FBXO25: variants seen among roughly 807,000 people sequenced by gnomAD.
FBXO25 encodes F-box only protein 25.
FBXO25 carries 45 observed loss-of-function variants against 51.9 expected under a neutral mutation model. The observed-to-expected ratio is 0.87, with a 90% CI of 0.68 to 1.11. The LOEUF is 1.11. Among genes scored for constraint, FBXO25 ranks in the 50% most tolerant of loss-of-function variants. The pLI is 0.00. For synonymous variants in FBXO25, 199 were observed against 151.0 expected (o/e 1.32, Z -2.33); for missense variants, 507 against 428.5 (o/e 1.18, Z -1.62).
chr8:456,711 C>G (rs1466809726), intron 7 of FBXO25, among the ~76,000 whole-genome samples: 3 of 152,176 alleles, frequency 2.0e-5, no homozygotes, highest in Non-Finnish European at 4.4e-5. Context: ...GTTGAGGCCC[C>G]ACTCGTGTCT....
At chr8:429,702 GC>G (rs1345151347) in intron 2 of FBXO25, among the ~76,000 whole-genome samples, 1 of 152,130 alleles carries the variant, frequency 6.6e-6, no homozygotes, top group Non-Finnish European at 1.5e-5. Context: ...AAAAATAGTA[GC>G]CTAGTTGTCA....
intron 5 of FBXO25, among the ~76,000 whole-genome samples, chr8:442,762 G>T (rs557115039): frequency 6.6e-6 from 1 of 152,202 alleles, no homozygotes; most frequent in African/African-American, 2.4e-5. Context: ...TAGCCACCCT[G>T]CCCAGCCTAT....
At chr8:425,137 C>A (rs1797394638) in intron 2 of FBXO25, among the ~76,000 whole-genome samples, 1 of 151,990 alleles carries the variant, frequency 6.6e-6, no homozygotes. Context: ...CCCCCCGCCC[C>A]CCACATGTCC....
rs192462405 is a variant in FBXO25 at position 460,036 on chromosome 8, G to C, written c.843+1485G>C. Among the ~76,000 whole-genome samples the C allele has an allele frequency of 7.0e-4, 107 of 152,246 alleles. 1 individual carries two copies. Among genetic ancestry groups the C allele is most frequent in the African/African-American group, 2.5e-3 (104 of 41,556 alleles). ...TTTTAAGTCAGCATTGGGCATGGGG[G>C]AGGGGGTGGATAGAATTTTGTGTGG... On this transcript the variant is annotated intron_variant, in intron 8 of 9. Coordinates refer to ENST00000350302, the MANE Select transcript of FBXO25 (RefSeq NM_183420.2).
intron 2 of FBXO25, among the ~76,000 whole-genome samples, chr8:415,682 C>G (rs1428220232): frequency 6.6e-6 from 1 of 152,112 alleles, no homozygotes; most frequent in Non-Finnish European, 1.5e-5. Context: ...AAGGGTGGCC[C>G]TGAGAAGGAC....
At chr8:417,188 A>C (rs747939851) in intron 2 of FBXO25, among the ~76,000 whole-genome samples, 7 of 152,198 alleles carry the variant, frequency 4.6e-5, no homozygotes, top group Non-Finnish European at 7.3e-5. Flanking sequence ...GCTGTGAAGT[A>C]CCTGTTGTCA....
At chr8:447,150 C>T (rs1287658904) in intron 5 of FBXO25, among the ~76,000 whole-genome samples, 1 of 152,172 alleles carries the variant, frequency 6.6e-6, no homozygotes, top group African/African-American at 2.4e-5. Context: ...TCAACTCCAG[C>T]TTGCAGAGTG....
intron 2 of FBXO25, among the ~76,000 whole-genome samples, chr8:414,675 TC>T (rs1411575244): frequency 1.3e-5 from 2 of 152,186 alleles, no homozygotes; most frequent in Admixed American, 1.3e-4. Flanking sequence ...TGGCTACCCC[TC>T]TGTCTCCCTT....
At chr8:419,292 C>T (rs1797010604) in intron 2 of FBXO25, among the ~76,000 whole-genome samples, 1 of 152,152 alleles carries the variant, frequency 6.6e-6, no homozygotes, top group Admixed American at 6.5e-5. Flanking sequence ...TCACTTGAAC[C>T]TGGGAGGTGA....
In FBXO25 at chr8:473,834, T is replaced by C. The variant is rs1036858042; in HGVS notation, c.*5030T>C. 3 of 152,356 alleles carry C rather than the reference T, an allele frequency of 2.0e-5. No homozygotes were observed. Among genetic ancestry groups the C allele is most frequent in the Admixed American group, 1.3e-4 (2 of 15,308 alleles). The allele number at this position is 152,356 out of a possible 1,614,324, so 9.4% of individuals were successfully genotyped here. A position where few individuals can be genotyped will look rare whatever the true frequency, so the allele number is the denominator to read the frequency against. Reference sequence around the variant, plus strand: ...CGTTTTTGCATGGAAATTTCATTTTTATTTGATAATCATTTGAGAAACTTG... The same window carrying C: ...CGTTTTTGCATGGAAATTTCATTTTCATTTGATAATCATTTGAGAAACTTG... On this transcript the variant is annotated 3_prime_UTR_variant, in exon 10 of 10. Transcript: ENST00000350302.
chr8:442,986 C>T (rs1798522614), intron 5 of FBXO25, among the ~76,000 whole-genome samples: 1 of 152,092 alleles, frequency 6.6e-6, no homozygotes, highest in Non-Finnish European at 1.5e-5. Context: ...TATGTTAACG[C>T]TCCTGAGAAC....
At position 474,683 on chromosome 8, in the gene FBXO25, C is replaced by G. The variant is rs907165956; in HGVS notation, c.*5879C>G. 3.8e-5 allele frequency: 17 copies of G among 452,342 alleles called. No individual in the cohort carries two copies. The highest frequency in any genetic ancestry group is 1.8e-4 in the African/African-American group (9 of 49,688). 28.0% of individuals were successfully genotyped at this position (452,342 alleles called of 1,614,324 possible). ...TTATATGTCGTCTTTGGAGAAATGT[C>G]TATTTGGGCTCTTTGTCCATTTTTC... On this transcript the variant is annotated 3_prime_UTR_variant, in exon 10 of 10. Coordinates refer to ENST00000350302, the MANE Select transcript of FBXO25 (RefSeq NM_183420.2).
At chr8:415,913 A>G (rs939849367) in intron 2 of FBXO25, among the ~76,000 whole-genome samples, 8 of 152,188 alleles carry the variant, frequency 5.3e-5, no homozygotes, top group South Asian at 2.1e-4. Flanking sequence ...GTAATTGCCT[A>G]TAGTTATTTC....
intron 4 of FBXO25, 150 bp from the exon 5 acceptor site, chr8:435,465 C>G (rs1277987154): frequency 1.0e-6 from 1 of 979,834 alleles, no homozygotes; most frequent in African/African-American, 1.7e-5. Flanking sequence ...TATAATTTTA[C>G]TATACTCTCA....
At chr8:443,427 A>G (rs1798546145) in intron 5 of FBXO25, among the ~76,000 whole-genome samples, 1 of 151,756 alleles carries the variant, frequency 6.6e-6, no homozygotes, top group Non-Finnish European at 1.5e-5. Flanking sequence ...CCAAAATAAA[A>G]TTATAAGTTG....
chr8:471,559 A>G lies in FBXO25; in HGVS notation c.*2755A>G, dbSNP rs1210186930. On this transcript the variant is annotated 3_prime_UTR_variant, in exon 10 of 10. Coordinates refer to ENST00000350302, the MANE Select transcript of FBXO25 (RefSeq NM_183420.2). ...GCCAGGTAGTAAGTTTCACTTGCCC[A>G]TCGCTCCTGTGAAAGGCAATGCCAG... 6.6e-6 allele frequency: 1 copy of G among 152,212 alleles called. No individual in the cohort carries two copies. Among genetic ancestry groups the G allele is most frequent in the African/African-American group, 2.4e-5 (1 of 41,456 alleles). The allele number at this position is 152,212 out of a possible 1,614,324, so 9.4% of individuals were successfully genotyped here.
chr8:415,868 C>T (rs557100111), intron 2 of FBXO25, among the ~76,000 whole-genome samples: 2 of 152,256 alleles, frequency 1.3e-5, no homozygotes, highest in Admixed American at 6.5e-5. Context: ...AATTTCTAAC[C>T]TTTTCCATCA....
At chr8:439,662 C>G (rs191946940) in intron 5 of FBXO25, among the ~76,000 whole-genome samples, 182 of 152,236 alleles carry the variant, frequency 1.2e-3, no homozygotes, top group African/African-American at 4.0e-3. Flanking sequence ...TTTCTGTGTC[C>G]CTGGGCATTG....
chr8:473,947 C>A lies in FBXO25; in HGVS notation c.*5143C>A, dbSNP rs190428939. 1 of 152,182 alleles carries A rather than the reference C, an allele frequency of 6.6e-6. No homozygotes were observed. The highest frequency in any genetic ancestry group is 1.5e-5 in the Non-Finnish European group (1 of 68,064). The allele number at this position is 152,182 out of a possible 1,614,324, so 9.4% of individuals were successfully genotyped here. ...AAAGAATTTGACATGTTAAAATACA[C>A]GTGAAATTTACCATCTTACCTATTT... On this transcript the variant is annotated 3_prime_UTR_variant, in exon 10 of 10. Coordinates refer to ENST00000350302, the MANE Select transcript of FBXO25 (RefSeq NM_183420.2).
Sources: allele counts gnomAD v4.1 joint callset (sites outside exome capture counted in the v4.1 genomes callset), GRCh38; gene constraint gnomAD v4.1.1; transcripts MANE v1.5; gene names NCBI Gene and HGNC (gene_info 2026-07-23, HGNC 2026-07-21).